Variants in ELOVL6 observed in about 807,000 individuals in gnomAD.
The protein encoded by ELOVL6 is very long chain fatty acid elongase 6.
Under a neutral mutation model 31.7 loss-of-function variants are expected in ELOVL6, and 8 were observed. The ratio of observed to expected loss-of-function variants is 0.25; its 90% CI spans 0.15 to 0.45. The LOEUF (loss-of-function observed/expected upper bound fraction) is 0.45. Among genes scored for constraint, ELOVL6 ranks in the 20% least tolerant of loss-of-function variants. The probability of loss-of-function intolerance (pLI) is 1.00; values close to 1 mark genes in which losing one functional copy is unlikely to be tolerated. For synonymous variants in ELOVL6, 101 were observed against 117.7 expected (o/e 0.86, Z 0.92); for missense variants, 126 against 326.4 (o/e 0.39, Z 4.73).
intron 1 of ELOVL6, among the ~76,000 whole-genome samples, chr4:110,141,766 A>G (rs1434133392): frequency 7.3e-6 from 1 of 136,676 alleles, no homozygotes; most frequent in Non-Finnish European, 1.5e-5. Context: ...TTGTATTAGT[A>G]TATATATACA....
At chr4:110,077,600 G>A (rs757605528) in intron 2 of ELOVL6, among the ~76,000 whole-genome samples, 103 of 152,158 alleles carry the variant, frequency 6.8e-4, no homozygotes, top group Middle Eastern at 3.4e-3. Context: ...TGTCACCATC[G>A]TCAAAGACCA....
At chr4:110,059,472 T>C in intron 3 of ELOVL6, 131 bp downstream of exon 3, 1 of 915,328 alleles carries the variant, frequency 1.1e-6, no homozygotes, top group Non-Finnish European at 1.6e-6. Context: ...AGGCAAGAAC[T>C]CAAATTCATT....
intron 1 of ELOVL6, among the ~76,000 whole-genome samples, chr4:110,171,840 C>A (rs1312735930): frequency 6.6e-6 from 1 of 151,806 alleles, no homozygotes; most frequent in African/African-American, 2.4e-5. Context: ...CAGGTGCATG[C>A]CACCACACTT....
At chr4:110,100,906 A>G (rs939464232) in intron 2 of ELOVL6, among the ~76,000 whole-genome samples, 2 of 152,250 alleles carry the variant, frequency 1.3e-5, no homozygotes, top group African/African-American at 4.8e-5. Flanking sequence ...TTGAAAATGC[A>G]TGAATTATAG....
At chr4:110,105,368 C>G in intron 2 of ELOVL6, 129 bp downstream of exon 2, 2 of 993,866 alleles carry the variant, frequency 2.0e-6, no homozygotes, top group Admixed American at 4.9e-5. Context: ...CTGAACATGA[C>G]TTTATTTTAT....
At chr4:110,158,635 G>GTATATATATATATA (rs780807092) in intron 1 of ELOVL6, among the ~76,000 whole-genome samples, 36 of 81,554 alleles carry the variant, frequency 4.4e-4, no homozygotes, top group Middle Eastern at 6.6e-3. Context: ...ATATACACGT[G>GTATATATATATATA]TATATATATA....
At chr4:110,143,874 A>G (rs7696437) in intron 1 of ELOVL6, among the ~76,000 whole-genome samples, 122,984 of 151,880 alleles carry the variant, frequency 0.81, 50,052 homozygotes, top group African/African-American at 0.89. Flanking sequence ...TGACCAACAT[A>G]GAGAAACTCC....
At chr4:110,060,336 G>A (rs560220714) in intron 2 of ELOVL6, among the ~76,000 whole-genome samples, 2 of 152,084 alleles carry the variant, frequency 1.3e-5, no homozygotes, top group African/African-American at 4.8e-5. Context: ...TCCTTCAAAA[G>A]CTTAGCTCTG....
At chr4:110,080,705 C>A (rs1391463222) in intron 2 of ELOVL6, among the ~76,000 whole-genome samples, 4 of 152,144 alleles carry the variant, frequency 2.6e-5, no homozygotes, top group African/African-American at 9.7e-5. Flanking sequence ...CCTCTCTCAC[C>A]ACTCCTATTC....
chr4:110,187,258 CCT>C (rs1379786866), intron 1 of ELOVL6, among the ~76,000 whole-genome samples: 3 of 151,860 alleles, frequency 2.0e-5, no homozygotes, highest in Non-Finnish European at 2.9e-5. Flanking sequence ...GGTCCTTTGA[CCT>C]CTTAATTGTC....
chr4:110,179,918 A>G (rs1278223977), intron 1 of ELOVL6, among the ~76,000 whole-genome samples: 1 of 152,270 alleles, frequency 6.6e-6, no homozygotes, highest in Admixed American at 6.5e-5. Flanking sequence ...ATGAAAAGGT[A>G]GAACATGTCA....
chr4:110,196,451 C>T (rs965017482), intron 1 of ELOVL6, among the ~76,000 whole-genome samples: 3 of 152,210 alleles, frequency 2.0e-5, no homozygotes, highest in Non-Finnish European at 2.9e-5. Context: ...AGCACCACCC[C>T]CTAAGCGGGA....
Position 110,174,212 on chromosome 4 carries a change from G to A in ELOVL6, c.89+24035C>T, listed in dbSNP as rs138559190. ...AGAGTCTTACTCTGTTGTTCAGGCT[G>A]GACTGCAGTGGCGTAATCTCGGCTC... On this transcript the variant is annotated intron_variant, in intron 1 of 3. Transcript: ENST00000302274. Among the ~76,000 whole-genome samples, 475 of 145,212 alleles carry A rather than the reference G, an allele frequency of 3.3e-3. 2 individuals are homozygous for A. In the Middle Eastern group the frequency reaches 0.055, roughly 17 times the overall value.
chr4:110,126,281 G>C (rs1208651301), intron 1 of ELOVL6, among the ~76,000 whole-genome samples: 8 of 152,106 alleles, frequency 5.3e-5, no homozygotes, highest in Non-Finnish European at 8.8e-5. Context: ...TGGACTCAAG[G>C]CTGACCCACC....
At chr4:110,145,543 A>G (rs1282363912) in intron 1 of ELOVL6, among the ~76,000 whole-genome samples, 2 of 152,182 alleles carry the variant, frequency 1.3e-5, no homozygotes, top group African/African-American at 4.8e-5. Flanking sequence ...AAAGACAATT[A>G]CTACAGACAG....
intron 2 of ELOVL6, among the ~76,000 whole-genome samples, chr4:110,073,796 A>G (rs538708807): frequency 6.6e-6 from 1 of 152,306 alleles, no homozygotes; most frequent in South Asian, 2.1e-4. Context: ...TTCCATCTGA[A>G]GTGTGAGAGG....
At chr4:110,131,422 CA>C (rs1359209655) in intron 1 of ELOVL6, among the ~76,000 whole-genome samples, 11 of 152,146 alleles carry the variant, frequency 7.2e-5, no homozygotes, top group African/African-American at 2.2e-4. Context: ...CTTTTATAGA[CA>C]GGGGTATTTT....
chr4:110,080,984 C>G (rs926944612), intron 2 of ELOVL6, among the ~76,000 whole-genome samples: 8 of 152,074 alleles, frequency 5.3e-5, no homozygotes, highest in African/African-American at 1.9e-4. Context: ...AGTGAACTCC[C>G]ATTCACAATT....
intron 2 of ELOVL6, among the ~76,000 whole-genome samples, chr4:110,088,226 T>TAG (rs1462352928): frequency 5.9e-5 from 9 of 152,184 alleles, no homozygotes; most frequent in Admixed American, 1.3e-4. Flanking sequence ...TAGAGTATTG[T>TAG]AGCTTATACA....
Sources: gnomAD v4.1 joint callset for allele counts (sites outside exome capture counted in the v4.1 genomes callset) on GRCh38, gnomAD v4.1.1 for gene constraint, MANE v1.5 for transcripts, NCBI Gene and HGNC (gene_info 2026-07-23, HGNC 2026-07-21) for gene names.